Variants in ATRN observed in about 807,000 individuals in gnomAD.
The protein encoded by ATRN is attractin-2.
A neutral mutation model predicts 178.7 loss-of-function variants in ATRN; 54 were observed. The observed-to-expected ratio is 0.30, with a 90% CI of 0.24 to 0.38. The LOEUF (loss-of-function observed/expected upper bound fraction) is 0.38, where lower values mean the gene tolerates loss of function less well. Ranked by LOEUF, ATRN falls within the 10% of genes least tolerant of loss-of-function variation. ATRN has a pLI of 1.00. For missense variants in ATRN, 1,443 were observed against 1,815.1 expected, an observed-to-expected ratio of 0.79 and a Z score of 3.73; for synonymous variants, 636 against 663.0, an observed-to-expected ratio of 0.96 and a Z score of 0.63.
chr20:3,482,736 A>G (rs1173760879), intron 1 of ATRN, among the ~76,000 whole-genome samples: 1 of 152,226 alleles, frequency 6.6e-6, no homozygotes, highest in Non-Finnish European at 1.5e-5. Context: ...GATAGATGAC[A>G]TGACTGTCTT....
intron 1 of ATRN, among the ~76,000 whole-genome samples, chr20:3,475,070 C>G (rs1012499583): frequency 2.0e-5 from 3 of 146,902 alleles, no homozygotes; most frequent in Non-Finnish European, 4.5e-5. Context: ...TCCAAGTATT[C>G]TTTTGGGGGC....
intron 3 of ATRN, among the ~76,000 whole-genome samples, chr20:3,543,801 G>A (rs911790715): frequency 3.3e-5 from 5 of 152,118 alleles, no homozygotes; most frequent in African/African-American, 1.2e-4. Flanking sequence ...GTGAGGCCGA[G>A]GCAGGAGAAT....
At chr20:3,481,551 G>A (rs758588769) in intron 1 of ATRN, among the ~76,000 whole-genome samples, 107 of 152,092 alleles carry the variant, frequency 7.0e-4, no homozygotes, top group Non-Finnish European at 6.5e-4. Flanking sequence ...TCACTATGTC[G>A]CCCAGGCTGA....
chr20:3,546,393 T>G (rs1050643738), intron 4 of ATRN, among the ~76,000 whole-genome samples: 1 of 147,724 alleles, frequency 6.8e-6, no homozygotes, highest in Non-Finnish European at 1.5e-5. Flanking sequence ...TCAACTGTTT[T>G]TTTTTTTTTT....
rs557482164 is a variant in ATRN, at chr20:3,549,740, C to T, written c.1112+402C>T. ...GGCTTCAAGGTCTATTTGCTAATCTCGTGCTGCTCATTTTGAAGGGAGAAT... is the reference window on the plus strand; with the variant it reads ...GGCTTCAAGGTCTATTTGCTAATCTTGTGCTGCTCATTTTGAAGGGAGAAT... On this transcript the variant is annotated intron_variant, in intron 6 of 28. Transcript: ENST00000262919. 2.9e-4 allele frequency among the ~76,000 whole-genome samples: 44 copies of T among 152,264 alleles called. 1 individual carries two copies. Among genetic ancestry groups the T allele is most frequent in the African/African-American group, 9.4e-4 (39 of 41,564 alleles).
At chr20:3,595,058 G>A (rs1382992522) in intron 20 of ATRN, among the ~76,000 whole-genome samples, 1 of 152,146 alleles carries the variant, frequency 6.6e-6, no homozygotes, top group Admixed American at 6.5e-5. Flanking sequence ...TCCTGGAGAG[G>A]GTTTGAAGTC....
At chr20:3,510,098 A>G (rs1202283842) in intron 1 of ATRN, among the ~76,000 whole-genome samples, 1 of 152,178 alleles carries the variant, frequency 6.6e-6, no homozygotes, top group South Asian at 2.1e-4. Flanking sequence ...CTTAAGGTAC[A>G]GTTTTTACCT....
chr20:3,645,190 G>A lies in ATRN; in HGVS notation c.4165+922G>A, dbSNP rs774172186. 3.9e-5 allele frequency among the ~76,000 whole-genome samples: 6 copies of A among 152,244 alleles called. No homozygotes were observed. Among genetic ancestry groups the A allele is most frequent in the African/African-American group, 1.2e-4 (5 of 41,464 alleles). On this transcript the variant is annotated intron_variant, in intron 28 of 28. Transcript: ENST00000262919. The surrounding 1 kb of genome is among the most constrained non-coding windows in gnomAD (Gnocchi z 4.7). ...TTACCTTAGCCAGAGAGCACCCTGT[G>A]TCTGGTGGAAAGGCTGCCCCAGGAT...
At chr20:3,478,534 G>A (rs780326218) in intron 1 of ATRN, among the ~76,000 whole-genome samples, 4 of 152,084 alleles carry the variant, frequency 2.6e-5, no homozygotes, top group Admixed American at 6.6e-5. Flanking sequence ...TGGGGCTTTC[G>A]GTGGGTAGGG....
At chr20:3,500,514 T>G (rs372605983) in intron 1 of ATRN, among the ~76,000 whole-genome samples, 1 of 151,410 alleles carries the variant, frequency 6.6e-6, no homozygotes, top group Non-Finnish European at 1.5e-5. Flanking sequence ...CCATAAAAAA[T>G]GATGAGTTCA....
rs768993769 is a variant in ATRN at position 3,598,000 on chromosome 20, A to T, written c.3564A>T (p.Glu1188Asp). 7 of 1,595,722 alleles carry T rather than the reference A, an allele frequency of 4.4e-6. No homozygotes were observed. The highest frequency in any genetic ancestry group is 1.7e-6 in the Non-Finnish European group (2 of 1,164,464). The change falls in exon 22 of 29, where the codon GAA becomes GAT. Residue 1188 changes from glutamate (E) to aspartate (D), a missense_variant and splice_region_variant. By Grantham distance (45) the Glu-to-Asp change is conservative (BLOSUM62 2). This residue lies in a region of ATRN where 289 missense variants were observed against 440.8 expected (regional missense o/e 0.66). Transcript: ENST00000262919. Reference sequence around the variant, plus strand: ...TCAATTTTGTGGCTACTCCTGACGAAGTAAGATTTTTTAAAGTCTTCCTAT... The same window carrying T: ...TCAATTTTGTGGCTACTCCTGACGATGTAAGATTTTTTAAAGTCTTCCTAT... ...TAINFVATPDEQNRDLDMFIN... is the reference protein window; with the variant it reads ...TAINFVATPDDQNRDLDMFIN...
chr20:3,494,506 G>A (rs1416050686), intron 1 of ATRN, among the ~76,000 whole-genome samples: 1 of 152,180 alleles, frequency 6.6e-6, no homozygotes, highest in African/African-American at 2.4e-5. Flanking sequence ...ACTAGACTAG[G>A]AGGAGGAGAA....
intron 1 of ATRN, among the ~76,000 whole-genome samples, chr20:3,514,424 T>TC (rs2085179009): frequency 6.6e-6 from 1 of 152,170 alleles, no homozygotes; most frequent in Non-Finnish European, 1.5e-5. Flanking sequence ...AGCAAGTCAG[T>TC]CTGTCTTATG....
Position 3,646,949 on chromosome 20 carries a change from G to C in ATRN, c.*102G>C, listed in dbSNP as rs1370896302. On this transcript the variant is annotated 3_prime_UTR_variant, in exon 29 of 29. Coordinates refer to ENST00000262919, the MANE Select transcript of ATRN (RefSeq NM_139321.3). ...GGGAAATGGCTGTGCGGTGCGGGAC[G>C]GAAGACTGGAAACCCTCAAAGCATC... 1 of 1,417,200 alleles carries C rather than the reference G, an allele frequency of 7.1e-7. No individual in the cohort carries two copies. Among genetic ancestry groups the C allele is most frequent in the South Asian group, 1.5e-5 (1 of 66,804 alleles). The allele number at this position is 1,417,200 out of a possible 1,614,324, so 87.8% of individuals were successfully genotyped here. A position where few individuals can be genotyped will look rare whatever the true frequency, so the allele number is the denominator to read the frequency against.
At chr20:3,612,942 T>G (rs1021819463) in intron 24 of ATRN, among the ~76,000 whole-genome samples, 2 of 152,150 alleles carry the variant, frequency 1.3e-5, no homozygotes, top group African/African-American at 2.4e-5. Context: ...AATGCCGAGT[T>G]TTTTTCCTCC....
intron 24 of ATRN, among the ~76,000 whole-genome samples, chr20:3,607,477 A>G (rs1037716344): frequency 6.6e-6 from 1 of 152,180 alleles, no homozygotes; most frequent in Non-Finnish European, 1.5e-5. Flanking sequence ...AAACATATCT[A>G]TCTTTCTGTG....
chr20:3,489,901 T>A (rs2084761106), intron 1 of ATRN: 1 of 1,284,370 alleles, frequency 7.8e-7, no homozygotes, highest in Non-Finnish European at 1.1e-6. Flanking sequence ...TTTTTGGGGT[T>A]GTAAATGATC....
chr20:3,490,841 A>T, intron 1 of ATRN: 2 of 815,830 alleles, frequency 2.5e-6, no homozygotes, highest in South Asian at 1.3e-5. Flanking sequence ...CATCATACAG[A>T]TCCCTCAGGT....
chr20:3,561,397 C>T (rs963548965), intron 8 of ATRN, among the ~76,000 whole-genome samples: 6 of 152,078 alleles, frequency 3.9e-5, no homozygotes, highest in African/African-American at 1.2e-4. Context: ...TGCAGATTAT[C>T]GATGCTCCTA....
Sources: gnomAD v4.1 joint callset for allele counts (sites outside exome capture counted in the v4.1 genomes callset) on GRCh38, gnomAD v4.1.1 for gene constraint, gnomAD v4.1.1 regional missense constraint, Gnocchi (gnomAD v3.1) non-coding constraint, MANE v1.5 for transcripts, NCBI Gene and HGNC (gene_info 2026-07-23, HGNC 2026-07-21) for gene names.